Variants in CAPRIN1 observed in about 807,000 individuals in gnomAD.
The protein encoded by CAPRIN1 is cell cycle associated protein 1, also known as caprin-1.
Under a neutral mutation model 100.9 loss-of-function variants are expected in CAPRIN1, and 29 were observed. The observed-to-expected ratio is 0.29, with a 90% CI of 0.21 to 0.39. CAPRIN1 has a LOEUF of 0.39. Ranked by LOEUF, CAPRIN1 falls within the 10% of genes least tolerant of loss-of-function variation. The pLI, the probability that CAPRIN1 is intolerant of heterozygous loss-of-function variation, is 1.00. For missense variants in CAPRIN1, 795 were observed against 876.7 expected, an observed-to-expected ratio of 0.91 and a Z score of 1.18; for synonymous variants, 338 against 307.5, an observed-to-expected ratio of 1.10 and a Z score of -1.04.
Position 34,090,177 on chromosome 11 carries a change from A to G in CAPRIN1, c.1294-2A>G. 1 of 1,587,338 alleles carries G rather than the reference A, an allele frequency of 6.3e-7. No homozygotes were observed. The highest frequency in any genetic ancestry group is 8.6e-7 in the Non-Finnish European group (1 of 1,157,070). The stretch of plus-strand genomic sequence containing the variant: ...AGCTTTTATTTCTTTACTTATGTCT[A>G]GGTTCCTTTGGTATCATCCACAAGT... On this transcript the variant is annotated splice_acceptor_variant, in intron 12 of 18. Transcript: ENST00000341394. LOFTEE classifies it high-confidence loss of function.
At chr11:34,059,143 TGAGTA>T (rs375414405) in intron 2 of CAPRIN1, among the ~76,000 whole-genome samples, 1 of 152,360 alleles carries the variant, frequency 6.6e-6, no homozygotes, top group African/African-American at 2.4e-5. Context: ...GATAATTTAC[TGAGTA>T]GAGTTCAAAA....
chr11:34,090,381 T>G, intron 13 of CAPRIN1, 92 bp downstream of exon 13: 1 of 1,248,446 alleles, frequency 8.0e-7, no homozygotes, highest in South Asian at 1.3e-5. Context: ...TGATTCTTCT[T>G]TTTGGACCTA....
At chr11:34,098,138 T>A (rs1851398893) in intron 18 of CAPRIN1, 1 of 1,003,874 alleles carries the variant, frequency 1.0e-6, no homozygotes, top group African/African-American at 1.7e-5. Flanking sequence ...TTATTATTCC[T>A]CTTTCATTTT....
chr11:34,099,071 C>G, intron 18 of CAPRIN1: 1 of 1,400,428 alleles, frequency 7.1e-7, no homozygotes. Flanking sequence ...TGAATGAGTA[C>G]TGGTGGAATA....
chr11:34,085,984 T>G, intron 9 of CAPRIN1, 80 bp from the exon 10 acceptor site: 1 of 1,123,134 alleles, frequency 8.9e-7, no homozygotes, highest in Non-Finnish European at 1.3e-6. Context: ...GTTTATGTAG[T>G]GTGGGGGACC....
intron 2 of CAPRIN1, among the ~76,000 whole-genome samples, chr11:34,069,375 C>T (rs776977151): frequency 6.6e-6 from 1 of 152,038 alleles, no homozygotes; most frequent in Non-Finnish European, 1.5e-5. Flanking sequence ...GTCTTGAACT[C>T]ATGACCTTGT....
intron 18 of CAPRIN1, chr11:34,098,723 A>G (rs932424250): frequency 1.1e-5 from 11 of 985,292 alleles, no homozygotes; most frequent in Non-Finnish European, 1.3e-5. Context: ...ACCTTGTAGC[A>G]TATTCGATGA....
At chr11:34,079,950 G>C (rs1279951342) in intron 7 of CAPRIN1, among the ~76,000 whole-genome samples, 185 bp downstream of exon 7, 4 of 121,810 alleles carry the variant, frequency 3.3e-5, no homozygotes, top group African/African-American at 1.3e-4. Context: ...TGGAGACAGA[G>C]TCTCGCTCTG....
At chr11:34,070,565 T>G (rs1850787839) in intron 2 of CAPRIN1, among the ~76,000 whole-genome samples, 1 of 152,088 alleles carries the variant, frequency 6.6e-6, no homozygotes, top group Non-Finnish European at 1.5e-5. Context: ...CAGCTAATTT[T>G]TGTGTTTTTT....
Position 34,082,820 on chromosome 11 carries a change from C to G in CAPRIN1, c.827-5C>G. ...TTTGTTTTGCACCATTTTTTAACCTCTTAGAACCTGAGCCAGCAGAAGAGT... is the reference window on the plus strand; with the variant it reads ...TTTGTTTTGCACCATTTTTTAACCTGTTAGAACCTGAGCCAGCAGAAGAGT... On this transcript the variant is annotated splice_region_variant and splice_polypyrimidine_tract_variant and intron_variant, in intron 7 of 18. Transcript: ENST00000341394. The G allele has an allele frequency of 6.2e-7, 1 of 1,612,650 alleles. No individual in the cohort carries two copies. The highest frequency in any genetic ancestry group is 8.5e-7 in the Non-Finnish European group (1 of 1,179,554).
chr11:34,062,122 C>G (rs916376492), intron 2 of CAPRIN1, among the ~76,000 whole-genome samples: 1 of 152,130 alleles, frequency 6.6e-6, no homozygotes, highest in East Asian at 1.9e-4. Context: ...GTTCTTTCTA[C>G]CCTGCTTTTA....
intron 2 of CAPRIN1, among the ~76,000 whole-genome samples, chr11:34,071,236 T>C (rs1850799503): frequency 6.6e-6 from 1 of 152,170 alleles, no homozygotes; most frequent in African/African-American, 2.4e-5. Context: ...GCCTTTGATA[T>C]CATTCAGCAA....
chr11:34,088,418 T>C (rs952496464), intron 11 of CAPRIN1, among the ~76,000 whole-genome samples: 14 of 152,084 alleles, frequency 9.2e-5, no homozygotes, highest in African/African-American at 3.4e-4. Context: ...CTCAGTGCTT[T>C]GGGAGGCTGA....
chr11:34,071,700 T>C, intron 2 of CAPRIN1, 26 bp from the exon 3 acceptor site: 2 of 1,553,196 alleles, frequency 1.3e-6, no homozygotes, highest in Non-Finnish European at 1.8e-6. Context: ...AAACGGAATG[T>C]AATTCTTTTT....
chr11:34,081,151 A>C (rs982619834), intron 7 of CAPRIN1, among the ~76,000 whole-genome samples: 2 of 152,226 alleles, frequency 1.3e-5, no homozygotes, highest in African/African-American at 2.4e-5. Flanking sequence ...GTTTGTAAGT[A>C]AATTCAGATT....
intron 2 of CAPRIN1, 91 bp downstream of exon 2, chr11:34,052,727 G>A: frequency 1.4e-6 from 2 of 1,459,818 alleles, no homozygotes; most frequent in South Asian, 1.2e-5. Context: ...GCTTCTTTTC[G>A]TCTCGGGAGC....
intron 2 of CAPRIN1, among the ~76,000 whole-genome samples, chr11:34,061,535 G>A (rs547167610): frequency 8.5e-5 from 13 of 152,116 alleles, no homozygotes; most frequent in African/African-American, 2.9e-4. Context: ...GCCATTCTTA[G>A]CGTTCAGAAA....
At chr11:34,091,648 CA>C (rs746834395) in intron 14 of CAPRIN1, 30 of 275,834 alleles carry the variant, frequency 1.1e-4, no homozygotes, top group Non-Finnish European at 1.9e-4. Flanking sequence ...CTGCTGATTG[CA>C]TGTCTTTTTA....
At chr11:34,060,238 A>G (rs1850549074) in intron 2 of CAPRIN1, among the ~76,000 whole-genome samples, 2 of 151,618 alleles carry the variant, frequency 1.3e-5, no homozygotes, top group African/African-American at 2.4e-5. Context: ...CATTAGCAAG[A>G]TATGTGAATG....
Sources: gnomAD v4.1 joint callset for allele counts (sites outside exome capture counted in the v4.1 genomes callset) on GRCh38, gnomAD v4.1.1 for gene constraint, MANE v1.5 for transcripts, NCBI Gene and HGNC (gene_info 2026-07-23, HGNC 2026-07-21) for gene names.